EPB41L4A: variants seen among roughly 807,000 people sequenced by gnomAD.
EPB41L4A encodes erythrocyte membrane protein band 4.1 like 4A.
Under a neutral mutation model 108.6 loss-of-function variants are expected in EPB41L4A, and 100 were observed. The ratio of observed to expected loss-of-function variants is 0.92; its 90% CI spans 0.78 to 1.09. The LOEUF is 1.09. Ranked by LOEUF, EPB41L4A falls within the 50% of genes least tolerant of loss-of-function variation. The probability of loss-of-function intolerance (pLI) is 0.00; values close to 1 mark genes in which losing one functional copy is unlikely to be tolerated. For missense variants in EPB41L4A, 1,030 were observed against 842.7 expected, an observed-to-expected ratio of 1.22 and a Z score of -2.75; for synonymous variants, 319 against 289.0, an observed-to-expected ratio of 1.10 and a Z score of -1.05.
At chr5:112,232,180 A>G (rs1374878892) in intron 12 of EPB41L4A, among the ~76,000 whole-genome samples, 2 of 151,918 alleles carry the variant, frequency 1.3e-5, no homozygotes, top group Non-Finnish European at 2.9e-5. Context: ...GCTGTCCTCC[A>G]AAAAGGCTGG....
At chr5:112,353,214 G>A (rs1263396262) in intron 1 of EPB41L4A, among the ~76,000 whole-genome samples, 1 of 151,614 alleles carries the variant, frequency 6.6e-6, no homozygotes, top group East Asian at 1.9e-4. Flanking sequence ...TGGCAGCAGT[G>A]AACCAAGCAT....
At chr5:112,171,770 C>T (rs534275872) in intron 18 of EPB41L4A, among the ~76,000 whole-genome samples, 6 of 152,282 alleles carry the variant, frequency 3.9e-5, no homozygotes, top group African/African-American at 1.4e-4. Flanking sequence ...ATTGTTGACA[C>T]AGAATGATTT....
chr5:112,170,776 G>C (rs1366308187), intron 19 of EPB41L4A, among the ~76,000 whole-genome samples, 169 bp downstream of exon 19: 1 of 152,206 alleles, frequency 6.6e-6, no homozygotes, highest in Non-Finnish European at 1.5e-5. Context: ...GATAGGTGTT[G>C]ATATGGTTAA....
chr5:112,268,184 C>T (rs569317042), intron 4 of EPB41L4A, among the ~76,000 whole-genome samples: 4 of 152,200 alleles, frequency 2.6e-5, no homozygotes, highest in African/African-American at 7.2e-5. Context: ...GAGTTCAACA[C>T]CAGCCAGGCC....
chr5:112,155,374 A>G (rs1759612251), intron 12 of EPB41L4A, among the ~76,000 whole-genome samples: 1 of 152,138 alleles, frequency 6.6e-6, no homozygotes, highest in African/African-American at 2.4e-5. Flanking sequence ...AACAACCAAA[A>G]AAAAAAAAGT....
At chr5:112,401,830 A>G (rs1437841022) in intron 1 of EPB41L4A, among the ~76,000 whole-genome samples, 11 of 152,200 alleles carry the variant, frequency 7.2e-5, no homozygotes, top group African/African-American at 2.2e-4. Flanking sequence ...AGCCTAAGCA[A>G]TTTTTACTGA....
intron 9 of EPB41L4A, among the ~76,000 whole-genome samples, chr5:112,249,344 C>A (rs1750480683): frequency 6.6e-6 from 1 of 152,074 alleles, no homozygotes; most frequent in African/African-American, 2.4e-5. Flanking sequence ...TAGCAAATGA[C>A]TAAAATAACT....
rs576634853 is a variant in EPB41L4A at position 112,211,126 on chromosome 5, T to C, written c.1088-1144A>G. On this transcript the variant is annotated intron_variant, in intron 12 of 22. Transcript: ENST00000261486. ...TTAAAAGATTTAAAAAAAATGGGCCTTTCTCAAGGTCCCACAGCTCCTGAG... is the reference window on the plus strand; with the variant it reads ...TTAAAAGATTTAAAAAAAATGGGCCCTTCTCAAGGTCCCACAGCTCCTGAG... Among the ~76,000 whole-genome samples the C allele has an allele frequency of 5.9e-5, 9 of 152,308 alleles. No homozygotes were observed. In the South Asian group the frequency reaches 1.7e-3, roughly 28 times the overall value.
intron 1 of EPB41L4A, among the ~76,000 whole-genome samples, chr5:112,356,742 G>C (rs1758384816): frequency 6.6e-6 from 1 of 152,174 alleles, no homozygotes; most frequent in South Asian, 2.1e-4. Context: ...TGAAATGGAA[G>C]TAACAAATCT....
chr5:112,346,215 C>CTTTTTTTTTTTTTTTTTTTT (rs1479210695), intron 1 of EPB41L4A, among the ~76,000 whole-genome samples: 7 of 49,040 alleles, frequency 1.4e-4, no homozygotes, highest in Admixed American at 3.2e-4. Flanking sequence ...AGGTACATTG[C>CTTTTTTTTTTTTTTTTTTTT]ATTTTTTTTT....
intron 2 of EPB41L4A, among the ~76,000 whole-genome samples, chr5:112,282,868 A>C (rs1262078133): frequency 1.3e-5 from 2 of 152,204 alleles, no homozygotes; most frequent in Non-Finnish European, 2.9e-5. Context: ...TCATCCCAAA[A>C]GACAACCTTT....
chr5:112,335,082 A>T (rs1580707531), intron 1 of EPB41L4A, among the ~76,000 whole-genome samples: 1 of 152,134 alleles, frequency 6.6e-6, no homozygotes, highest in African/African-American at 2.4e-5. Context: ...AGAGGAACAA[A>T]GCCTCCTGGC....
At chr5:112,260,017 CAT>C in intron 7 of EPB41L4A, 38 bp from the exon 8 acceptor site, 1 of 1,364,840 alleles carries the variant, frequency 7.3e-7, no homozygotes, top group Middle Eastern at 1.8e-4. Context: ...CACATATTCA[CAT>C]AAAATCTCTT....
chr5:112,266,284 G>C lies in EPB41L4A; in HGVS notation c.382C>G (p.Leu128Val), dbSNP rs1424074308. 1 of 1,610,634 alleles carries C rather than the reference G, an allele frequency of 6.2e-7. No homozygotes were observed. Among genetic ancestry groups the C allele is most frequent in the Non-Finnish European group, 8.5e-7 (1 of 1,178,764 alleles). The change falls in exon 5 of 23, where the codon CTG becomes GTG. Residue 128 changes from leucine (L) to valine (V), a missense_variant. Transcript: ENST00000261486. ...GCAGCAGTGTTGACGGGACAGGGCA[G>C]ACGGCCCTGAAGGACATCTTGCTTC... ...QVKQDVLQGR[L>V]PCPVNTAAQL...
intron 1 of EPB41L4A, among the ~76,000 whole-genome samples, chr5:112,356,662 A>G (rs1758377971): frequency 6.6e-6 from 1 of 152,210 alleles, no homozygotes; most frequent in South Asian, 2.1e-4. Flanking sequence ...AGAGACCTTA[A>G]TCACCTTAAC....
At chr5:112,251,194 T>C (rs1441928456) in intron 9 of EPB41L4A, among the ~76,000 whole-genome samples, 1 of 152,136 alleles carries the variant, frequency 6.6e-6, no homozygotes, top group East Asian at 1.9e-4. Flanking sequence ...CACAAAATGG[T>C]ACAACTACGA....
chr5:112,149,856 C>A (rs1023696836), intron 12 of EPB41L4A, among the ~76,000 whole-genome samples: 6 of 152,156 alleles, frequency 3.9e-5, no homozygotes, highest in African/African-American at 4.8e-5. Context: ...CATTTGCTCA[C>A]CCCAGTGGCT....
At chr5:112,178,144 C>T (rs1760965033) in intron 18 of EPB41L4A, among the ~76,000 whole-genome samples, 1 of 151,614 alleles carries the variant, frequency 6.6e-6, no homozygotes. Flanking sequence ...AAAGGATATA[C>T]CATGCAAACA....
chr5:112,375,126 G>A (rs1424787145), intron 1 of EPB41L4A, among the ~76,000 whole-genome samples: 1 of 152,022 alleles, frequency 6.6e-6, no homozygotes, highest in Non-Finnish European at 1.5e-5. Flanking sequence ...AGCTCCACTG[G>A]GTGACTTTAA....
Sources: gnomAD v4.1 joint callset for allele counts (sites outside exome capture counted in the v4.1 genomes callset) on GRCh38, gnomAD v4.1.1 for gene constraint, MANE v1.5 for transcripts, NCBI Gene and HGNC (gene_info 2026-07-23, HGNC 2026-07-21) for gene names.